The following RPS6KC1 variants were observed in gnomAD, a reference collection of about 807,000 sequenced individuals.
The protein encoded by RPS6KC1 is inactive ribosomal protein S6 kinase delta-1.
In RPS6KC1, 54 loss-of-function variants were observed where a neutral mutation model predicts 103.8. That is an observed-to-expected ratio of 0.52 (90% CI 0.42 to 0.65). RPS6KC1 has a LOEUF of 0.65. Among genes scored for constraint, RPS6KC1 ranks in the 30% least tolerant of loss-of-function variants. The pLI is 0.00. For missense variants in RPS6KC1, 1,151 were observed against 1,253.8 expected, an observed-to-expected ratio of 0.92 and a Z score of 1.24; for synonymous variants, 439 against 438.7, an observed-to-expected ratio of 1.00 and a Z score of -0.01.
intron 6 of RPS6KC1, among the ~76,000 whole-genome samples, chr1:213,139,000 G>C (rs1011395663): frequency 1.3e-5 from 2 of 151,988 alleles, no homozygotes; most frequent in African/African-American, 4.8e-5. Flanking sequence ...TTTTTTCTGC[G>C]ATGTCACTGG....
At chr1:213,084,964 T>C (rs2080244048) in intron 3 of RPS6KC1, among the ~76,000 whole-genome samples, 1 of 152,220 alleles carries the variant, frequency 6.6e-6, no homozygotes, top group Non-Finnish European at 1.5e-5. Context: ...GGTCAAGGTA[T>C]TGTCAAGCTT....
downstream of RPS6KC1, among the ~76,000 whole-genome samples, chr1:213,276,866 T>G (rs923330797): frequency 6.6e-6 from 1 of 152,212 alleles, no homozygotes; most frequent in Non-Finnish European, 1.5e-5. Context: ...GGACCACACC[T>G]ACGTTTGCCT....
the RPS6KC1 span, among the ~76,000 whole-genome samples, chr1:213,313,086 A>G: frequency 1.3e-5 from 2 of 152,098 alleles, no homozygotes; most frequent in Non-Finnish European, 2.9e-5. Flanking sequence ...CTTGATCTAG[A>G]ATCATTAATT....
chr1:213,226,091 C>T (rs1438392695), intron 8 of RPS6KC1, among the ~76,000 whole-genome samples: 3 of 151,920 alleles, frequency 2.0e-5, no homozygotes, highest in Non-Finnish European at 4.4e-5. Context: ...GGTGTGGTGG[C>T]GGGCGCCTGT....
At chr1:213,054,711 C>A (rs766961737) in intron 1 of RPS6KC1, among the ~76,000 whole-genome samples, 4 of 152,120 alleles carry the variant, frequency 2.6e-5, no homozygotes, top group Non-Finnish European at 5.9e-5. Context: ...TGCTTTTTTG[C>A]AGTTCTCTGA....
intron 8 of RPS6KC1, among the ~76,000 whole-genome samples, chr1:213,189,082 A>C (rs147119890): frequency 6.6e-6 from 1 of 152,182 alleles, no homozygotes; most frequent in Non-Finnish European, 1.5e-5. Flanking sequence ...ACATAGGTTC[A>C]AATCAGTATA....
chr1:213,762,621 C>G, the RPS6KC1 span, among the ~76,000 whole-genome samples: 1 of 152,154 alleles, frequency 6.6e-6, no homozygotes, highest in African/African-American at 2.4e-5. Context: ...TGGTCACTCT[C>G]AAGAGATTTC....
At chr1:213,583,494 G>A in the RPS6KC1 span, among the ~76,000 whole-genome samples, 1 of 152,106 alleles carries the variant, frequency 6.6e-6, no homozygotes, top group African/African-American at 2.4e-5. Context: ...AAATCTGAGT[G>A]TATGTAAGAA....
At chr1:213,631,838 T>C in the RPS6KC1 span, among the ~76,000 whole-genome samples, 3 of 152,180 alleles carry the variant, frequency 2.0e-5, no homozygotes, top group African/African-American at 7.2e-5. Flanking sequence ...TTTAAAAGTA[T>C]TACACAGTAA....
At chr1:213,560,779 GC>G in the RPS6KC1 span, among the ~76,000 whole-genome samples, 2 of 152,090 alleles carry the variant, frequency 1.3e-5, no homozygotes, top group Admixed American at 6.5e-5. Context: ...GATGTAAAGG[GC>G]CCAGATGGAT....
the RPS6KC1 span, among the ~76,000 whole-genome samples, chr1:213,762,435 G>A: frequency 6.6e-6 from 1 of 152,186 alleles, no homozygotes; most frequent in Non-Finnish European, 1.5e-5. Flanking sequence ...GTTGTTGAAT[G>A]AATGAATGAA....
chr1:213,193,496 A>T (rs2092826159), intron 8 of RPS6KC1, among the ~76,000 whole-genome samples: 1 of 152,192 alleles, frequency 6.6e-6, no homozygotes, highest in Non-Finnish European at 1.5e-5. Context: ...TCCTGAACTC[A>T]AGTGATCCAC....
intron 13 of RPS6KC1, 75 bp downstream of exon 13, chr1:213,261,715 A>C: frequency 1.6e-6 from 2 of 1,287,780 alleles, no homozygotes; most frequent in Non-Finnish European, 1.1e-6. Context: ...ATTAGCCTTC[A>C]CCCTTAGTTT....
chr1:213,309,210 A>T, the RPS6KC1 span, among the ~76,000 whole-genome samples: 1 of 152,074 alleles, frequency 6.6e-6, no homozygotes, highest in Non-Finnish European at 1.5e-5. Flanking sequence ...CAGGAGAATC[A>T]CTTGAACCTG....
chr1:213,267,590 G>A (rs969702429), intron 14 of RPS6KC1, among the ~76,000 whole-genome samples: 4 of 151,964 alleles, frequency 2.6e-5, no homozygotes, highest in African/African-American at 9.7e-5. Context: ...CCAGACACAG[G>A]ATTTATGAAG....
chr1:213,602,136 T>TCTC, the RPS6KC1 span, among the ~76,000 whole-genome samples: 1 of 73,458 alleles, frequency 1.4e-5, no homozygotes, highest in Non-Finnish European at 2.6e-5. Context: ...CTTTCTTTCT[T>TCTC]TCTTTCTTTC....
the RPS6KC1 span, among the ~76,000 whole-genome samples, chr1:213,506,588 T>A: frequency 2.0e-5 from 3 of 152,122 alleles, no homozygotes; most frequent in African/African-American, 2.4e-5. Flanking sequence ...TGCATGTGAG[T>A]CACTAAAAAA....
At chr1:213,359,894 T>C in the RPS6KC1 span, among the ~76,000 whole-genome samples, 2 of 152,244 alleles carry the variant, frequency 1.3e-5, no homozygotes, top group Non-Finnish European at 2.9e-5. Context: ...CCCCAATCTC[T>C]TGTGGCTTGT....
At chr1:213,457,573 T>G in the RPS6KC1 span, among the ~76,000 whole-genome samples, 1 of 152,198 alleles carries the variant, frequency 6.6e-6, no homozygotes, top group South Asian at 2.1e-4. Context: ...GACCATCTAG[T>G]TCAACTACCA....
Sources: allele counts gnomAD v4.1 joint callset (sites outside exome capture counted in the v4.1 genomes callset), GRCh38; gene constraint gnomAD v4.1.1; transcripts MANE v1.5; gene names NCBI Gene and HGNC (gene_info 2026-07-23, HGNC 2026-07-21).